The following KLF17 variants were observed in gnomAD, a reference collection of about 807,000 sequenced individuals.
The protein encoded by KLF17 is Krueppel-like factor 17.
Under a neutral mutation model 34.2 loss-of-function variants are expected in KLF17, and 31 were observed. The observed-to-expected ratio is 0.91, with a 90% CI of 0.68 to 1.22. The LOEUF (loss-of-function observed/expected upper bound fraction) is 1.22. KLF17 is among the 50% of genes most tolerant of loss of function. KLF17 has a pLI of 0.00. For synonymous variants in KLF17, 179 were observed against 186.7 expected (o/e 0.96, Z 0.34); for missense variants, 478 against 505.2 (o/e 0.95, Z 0.52).
At chr1:44,080,460 C>A in the KLF17 span, among the ~76,000 whole-genome samples, 24 of 150,084 alleles carry the variant, frequency 1.6e-4, 1 homozygote, top group South Asian at 1.7e-3. Flanking sequence ...GTATGGTCTC[C>A]ATCTCCTGAC....
the KLF17 span, among the ~76,000 whole-genome samples, chr1:44,056,943 T>A: frequency 6.6e-6 from 1 of 151,852 alleles, no homozygotes; most frequent in Non-Finnish European, 1.5e-5. Context: ...TTAAAGTATA[T>A]CAAGTTTTAA....
the KLF17 span, among the ~76,000 whole-genome samples, chr1:44,101,394 T>C: frequency 3.9e-5 from 6 of 152,042 alleles, no homozygotes; most frequent in Admixed American, 6.6e-5. Flanking sequence ...TCAGTTGTTA[T>C]GTGTCACGTC....
intron 1 of KLF17, among the ~76,000 whole-genome samples, chr1:44,127,705 T>TTTCTTTCTTTC (rs1557732071): frequency 7.7e-5 from 10 of 129,586 alleles, no homozygotes; most frequent in African/African-American, 3.5e-4. Context: ...TCTTTCTTTC[T>TTTCTTTCTTTC]TTCTTTCTTC....
chr1:44,099,859 A>G, the KLF17 span, among the ~76,000 whole-genome samples: 1 of 60,088 alleles, frequency 1.7e-5, no homozygotes, highest in Non-Finnish European at 3.8e-5. Flanking sequence ...GAAAGAAAGA[A>G]AGAAAGAAAG....
rs776227278 is a variant in KLF17 at position 44,129,590 on chromosome 1, A to G, written c.319A>G (p.Thr107Ala). 2 of 1,613,748 alleles carry G rather than the reference A, an allele frequency of 1.2e-6. No homozygotes were observed. The highest frequency in any genetic ancestry group is 2.2e-5 in the South Asian group (2 of 91,056). The change falls in exon 2 of 4, where the codon ACT (threonine) becomes GCT (alanine). Residue 107 changes from threonine to alanine, a missense_variant. Transcript: ENST00000372299. ...GMSYCPQATL[T>A]PSRMIYCQRM... Reference sequence around the variant, plus strand: ...GAGCTACTGCCCCCAAGCGACTCTCACTCCTTCCCGGATGATTTACTGTCA... The same window carrying G: ...GAGCTACTGCCCCCAAGCGACTCTCGCTCCTTCCCGGATGATTTACTGTCA...
At chr1:44,100,353 T>TA in the KLF17 span, among the ~76,000 whole-genome samples, 9 of 151,058 alleles carry the variant, frequency 6.0e-5, no homozygotes, top group African/African-American at 1.9e-4. Context: ...GGAAGTGAGG[T>TA]ACAGAGGATG....
upstream of KLF17, among the ~76,000 whole-genome samples, chr1:44,118,093 AT>A (rs1388935197): frequency 1.3e-5 from 2 of 151,886 alleles, no homozygotes; most frequent in African/African-American, 4.8e-5. Context: ...CAATCTTCCT[AT>A]GGCTGGCTCC....
At chr1:44,103,678 T>C in the KLF17 span, 20 of 1,608,846 alleles carry the variant, frequency 1.2e-5, no homozygotes, top group South Asian at 1.4e-4. Flanking sequence ...TGCCGCGCCA[T>C]GTCCTGCTTG....
chr1:44,095,709 G>A, the KLF17 span, among the ~76,000 whole-genome samples: 3 of 151,810 alleles, frequency 2.0e-5, no homozygotes, highest in South Asian at 6.2e-4. Context: ...ATGTTTTACA[G>A]TTTTCATTGT....
chr1:44,107,721 A>G, the KLF17 span, among the ~76,000 whole-genome samples: 1 of 152,158 alleles, frequency 6.6e-6, no homozygotes, highest in Non-Finnish European at 1.5e-5. Context: ...CTTATGTTCA[A>G]GTAACCCTTA....
At chr1:44,121,045 GT>G (rs1377643772) in intron 1 of KLF17, among the ~76,000 whole-genome samples, 7 of 151,952 alleles carry the variant, frequency 4.6e-5, no homozygotes, top group Admixed American at 6.6e-5. Flanking sequence ...CTCTTCTAGA[GT>G]TTTTTTTAAA....
chr1:44,050,039 T>C, the KLF17 span, among the ~76,000 whole-genome samples: 7 of 152,248 alleles, frequency 4.6e-5, no homozygotes, highest in Non-Finnish European at 7.3e-5. Context: ...AGTTGAGAAA[T>C]ACTGTACATC....
chr1:44,067,309 A>C, the KLF17 span, among the ~76,000 whole-genome samples: 3 of 152,202 alleles, frequency 2.0e-5, no homozygotes, highest in South Asian at 2.1e-4. Flanking sequence ...TTAAACAGAA[A>C]GGGATGTATC....
chr1:44,110,520 GTC>G, the KLF17 span: 41 of 151,642 alleles, frequency 2.7e-4, no homozygotes, highest in African/African-American at 9.9e-4. Context: ...GACAAACCCC[GTC>G]TCTACTAAAA....
chr1:44,101,011 C>G, the KLF17 span, among the ~76,000 whole-genome samples: 1 of 152,148 alleles, frequency 6.6e-6, no homozygotes, highest in African/African-American at 2.4e-5. Context: ...ACTACTACAA[C>G]ACTCTAATAC....
At chr1:44,092,134 G>A in the KLF17 span, among the ~76,000 whole-genome samples, 1 of 151,798 alleles carries the variant, frequency 6.6e-6, no homozygotes, top group South Asian at 2.1e-4. Context: ...CCTGAGGTCG[G>A]GGGTTCGAGA....
chr1:44,046,064 A>G, the KLF17 span: 3 of 151,736 alleles, frequency 2.0e-5, no homozygotes, highest in African/African-American at 4.8e-5. Flanking sequence ...TTATCATGGA[A>G]CATAAGAAAA....
the KLF17 span, among the ~76,000 whole-genome samples, chr1:44,054,770 C>T: frequency 1.5e-5 from 2 of 132,648 alleles, no homozygotes; most frequent in South Asian, 2.6e-4. Flanking sequence ...CGTGAGCCAC[C>T]GTGCCCAGCT....
At chr1:44,049,991 T>C in the KLF17 span, among the ~76,000 whole-genome samples, 18 of 152,324 alleles carry the variant, frequency 1.2e-4, 1 homozygote, top group East Asian at 1.9e-3. Flanking sequence ...CCCAACAGAA[T>C]TGGATTCATG....
Sources: allele counts gnomAD v4.1 joint callset (sites outside exome capture counted in the v4.1 genomes callset), GRCh38; gene constraint gnomAD v4.1.1; transcripts MANE v1.5; gene names NCBI Gene and HGNC (gene_info 2026-07-23, HGNC 2026-07-21).